Variants in AKAP13 observed in about 807,000 individuals in gnomAD.
AKAP13 encodes A-kinase anchoring protein 13.
A neutral mutation model predicts 264.5 loss-of-function variants in AKAP13; 80 were observed. The ratio of observed to expected loss-of-function variants is 0.30; its 90% CI spans 0.25 to 0.36. The LOEUF (loss-of-function observed/expected upper bound fraction) is 0.36. Ranked by LOEUF, AKAP13 falls within the 10% of genes least tolerant of loss-of-function variation. The probability of loss-of-function intolerance (pLI) is 1.00; values close to 1 mark genes in which losing one functional copy is unlikely to be tolerated. For missense variants in AKAP13, 3,712 were observed against 3,435.2 expected (o/e 1.08, Z -2.01); for synonymous variants, 1,380 against 1,250.2 (o/e 1.10, Z -2.19).
chr15:85,499,596 C>T (rs968649588), intron 2 of AKAP13, among the ~76,000 whole-genome samples: 2 of 152,148 alleles, frequency 1.3e-5, no homozygotes, highest in Admixed American at 1.3e-4. Context: ...TGTAAGCTAG[C>T]CTTCAGCCAT....
At chr15:85,529,209 C>G (rs2077174497) in intron 3 of AKAP13, among the ~76,000 whole-genome samples, 1 of 152,114 alleles carries the variant, frequency 6.6e-6, no homozygotes, top group Non-Finnish European at 1.5e-5. Context: ...ATTACGAGGT[C>G]AGGAGGTCGA....
rs34276223 is a variant in AKAP13, at chr15:85,633,376, G to GT, written c.4162-5998_4162-5997insT. 1.4e-4 allele frequency among the ~76,000 whole-genome samples: 21 copies of GT among 147,416 alleles called. No individual in the cohort carries two copies. In the East Asian group the frequency reaches 1.6e-3, roughly 11 times the overall value. On this transcript the variant is annotated intron_variant, in intron 8 of 36. Coordinates refer to ENST00000394518, the MANE Select transcript of AKAP13 (RefSeq NM_007200.5). ...TACAGGAATAATAGGGGCGGGGGGG[G>GT]AGTAATTTTTTCCCTTCCAGCTTAA...
intron 1 of AKAP13, among the ~76,000 whole-genome samples, chr15:85,434,952 C>T (rs1412465645): frequency 7.9e-5 from 12 of 151,288 alleles, no homozygotes; most frequent in Admixed American, 3.3e-4. Context: ...TCACCAGCAA[C>T]GGAACAAAGC....
chr15:85,640,715 C>G (rs1397140646), intron 9 of AKAP13, among the ~76,000 whole-genome samples: 1 of 152,130 alleles, frequency 6.6e-6, no homozygotes, highest in Non-Finnish European at 1.5e-5. Flanking sequence ...GGTCCTTAAA[C>G]TGTTTGGGGC....
chr15:85,415,745 A>G (rs1243651613), intron 1 of AKAP13: 12 of 628,474 alleles, frequency 1.9e-5, no homozygotes, highest in Admixed American at 5.7e-5. Flanking sequence ...ACTGTGTTCA[A>G]TTATCTTTAT....
intron 1 of AKAP13, chr15:85,480,862 A>AT (rs1469086036): frequency 2.6e-5 from 4 of 152,082 alleles, no homozygotes; most frequent in Non-Finnish European, 4.4e-5. Context: ...TAATTTTTGT[A>AT]TTTTTTGTAG....
intron 10 of AKAP13, among the ~76,000 whole-genome samples, chr15:85,651,783 C>G (rs931252017): frequency 3.3e-5 from 5 of 152,142 alleles, no homozygotes; most frequent in African/African-American, 1.2e-4. Context: ...TAACTGTTTT[C>G]CCACCGCAGA....
At chr15:85,658,895 A>C (rs1405220846) in intron 12 of AKAP13, among the ~76,000 whole-genome samples, 2 of 151,954 alleles carry the variant, frequency 1.3e-5, no homozygotes, top group Non-Finnish European at 2.9e-5. Flanking sequence ...TCTCTAGGAG[A>C]GTTCGAAGAA....
chr15:85,630,268 A>ACACACAC (rs1392263680), intron 8 of AKAP13, among the ~76,000 whole-genome samples: 1 of 23,866 alleles, frequency 4.2e-5, no homozygotes, highest in East Asian at 1.7e-3. Context: ...CACACACACA[A>ACACACAC]ACACAATGAA....
intron 1 of AKAP13, among the ~76,000 whole-genome samples, chr15:85,472,517 T>C (rs1032259663): frequency 2.6e-5 from 4 of 152,236 alleles, no homozygotes; most frequent in African/African-American, 9.6e-5. Flanking sequence ...TTTTAAAAAA[T>C]GTAGACAAAG....
Position 85,730,725 on chromosome 15 carries a change from T to A in AKAP13, c.7282+18T>A. 1 of 1,597,984 alleles carries A rather than the reference T, an allele frequency of 6.3e-7. No homozygotes were observed. The highest frequency in any genetic ancestry group is 1.3e-5 in the African/African-American group (1 of 74,692). Reference sequence around the variant, plus strand: ...AAATGAGGGTAATTAACATTCAGCATTGCCCCCTCTTCATCTACTCCCAGA... The same window carrying A: ...AAATGAGGGTAATTAACATTCAGCAATGCCCCCTCTTCATCTACTCCCAGA... On this transcript the variant is annotated intron_variant, in intron 30 of 36. Coordinates refer to ENST00000394518, the MANE Select transcript of AKAP13 (RefSeq NM_007200.5).
intron 17 of AKAP13, among the ~76,000 whole-genome samples, chr15:85,701,723 G>A (rs1300087933): frequency 6.6e-6 from 1 of 151,854 alleles, no homozygotes; most frequent in African/African-American, 2.4e-5. Flanking sequence ...GATTACAGGC[G>A]TGAGCCACCA....
At chr15:85,612,636 A>C (rs538696229) in intron 8 of AKAP13, among the ~76,000 whole-genome samples, 2 of 152,268 alleles carry the variant, frequency 1.3e-5, no homozygotes, top group East Asian at 3.9e-4. Flanking sequence ...AGCCAGGTCA[A>C]CATGGTGAAA....
At chr15:85,419,891 C>T (rs910035510) in intron 1 of AKAP13, among the ~76,000 whole-genome samples, 4 of 147,638 alleles carry the variant, frequency 2.7e-5, no homozygotes, top group Admixed American at 2.0e-4. Context: ...CTTTCATATT[C>T]ATCTGTCATT....
chr15:85,382,112 C>T (rs1182062557), intron 1 of AKAP13: 2 of 152,200 alleles, frequency 1.3e-5, no homozygotes, highest in African/African-American at 2.4e-5. Context: ...GAACATGATT[C>T]TGTTTCAGTT....
At chr15:85,664,245 CAT>C (rs1285795591) in intron 12 of AKAP13, among the ~76,000 whole-genome samples, 2 of 152,164 alleles carry the variant, frequency 1.3e-5, no homozygotes, top group Non-Finnish European at 2.9e-5. Flanking sequence ...GGAAAAAACA[CAT>C]ATATAAAATA....
At chr15:85,442,784 G>A (rs1437063568) in intron 1 of AKAP13, among the ~76,000 whole-genome samples, 1 of 151,520 alleles carries the variant, frequency 6.6e-6, no homozygotes, top group African/African-American at 2.4e-5. Context: ...TAGTTTCTTG[G>A]AATAATTTTT....
intron 1 of AKAP13, among the ~76,000 whole-genome samples, chr15:85,449,454 C>T (rs2074008935): frequency 6.6e-6 from 1 of 152,122 alleles, no homozygotes. Context: ...GCTAGGATTT[C>T]CAATACTATG....
intron 3 of AKAP13, among the ~76,000 whole-genome samples, chr15:85,533,310 G>A (rs1054773079): frequency 6.6e-5 from 10 of 152,100 alleles, no homozygotes; most frequent in African/African-American, 1.7e-4. Flanking sequence ...GAGCCTGTTC[G>A]GTTCCAGATA....
Sources: gnomAD v4.1 joint callset for allele counts (sites outside exome capture counted in the v4.1 genomes callset) on GRCh38, gnomAD v4.1.1 for gene constraint, MANE v1.5 for transcripts, NCBI Gene and HGNC (gene_info 2026-07-23, HGNC 2026-07-21) for gene names.